DPYSL2: variants seen among roughly 807,000 people sequenced by gnomAD.
DPYSL2 encodes dihydropyrimidinase like 2.
Under a neutral mutation model 69.9 loss-of-function variants are expected in DPYSL2, and 13 were observed. That is an observed-to-expected ratio of 0.19 (90% CI 0.12 to 0.30). The LOEUF (loss-of-function observed/expected upper bound fraction) is 0.30, where lower values mean the gene tolerates loss of function less well. Ranked by LOEUF, DPYSL2 falls within the 10% of genes least tolerant of loss-of-function variation. The pLI, the probability that DPYSL2 is intolerant of heterozygous loss-of-function variation, is 1.00. For synonymous variants in DPYSL2, 326 were observed against 359.1 expected (o/e 0.91, Z 1.04); for missense variants, 587 against 918.9 (o/e 0.64, Z 4.67).
intron 1 of DPYSL2, among the ~76,000 whole-genome samples, chr8:26,541,999 G>T (rs1231909559): frequency 2.0e-5 from 3 of 151,950 alleles, no homozygotes; most frequent in African/African-American, 7.3e-5. Context: ...GGCTGGGTGT[G>T]GTGGCTAATG....
At chr8:26,537,358 T>A (rs1392504863) in intron 1 of DPYSL2, among the ~76,000 whole-genome samples, 1 of 152,136 alleles carries the variant, frequency 6.6e-6, no homozygotes, top group Non-Finnish European at 1.5e-5. Context: ...TGCAGGATGA[T>A]TCAGCATGGG....
At position 26,619,244 on chromosome 8, in the gene DPYSL2, A is replaced by G. The variant is rs969448787; in HGVS notation, c.629-4899A>G. Among the ~76,000 whole-genome samples, 1 of 152,152 alleles carries G rather than the reference A, an allele frequency of 6.6e-6. No homozygotes were observed. The highest frequency in any genetic ancestry group is 1.5e-5 in the Non-Finnish European group (1 of 68,022). On this transcript the variant is annotated intron_variant, in intron 3 of 13. Coordinates refer to ENST00000521913, the MANE Select transcript of DPYSL2 (RefSeq NM_001197293.3). This position sits in a 1 kb window ranked among gnomAD's most constrained non-coding sequence, Gnocchi z 4.8. ...GGAAGTGAGTATGACATTCTGCCCT[A>G]TTCCCTTGGAGCAGCTCTTCCCAGG...
In DPYSL2 at chr8:26,517,240, T is replaced by G. The variant is rs1354745938; in HGVS notation, c.354+2561T>G. Among the ~76,000 whole-genome samples the G allele has an allele frequency of 6.6e-6, 1 of 152,204 alleles. No homozygotes were observed. Among genetic ancestry groups the G allele is most frequent in the African/African-American group, 2.4e-5 (1 of 41,450 alleles). ...GGCTTTGGGAAGGGAGAGAATAGGC[T>G]TCCTTGACCCACATGCCACATGGCT... is the stretch of plus-strand genomic sequence containing the variant. On this transcript the variant is annotated intron_variant, in intron 1 of 13. Transcript: ENST00000521913. The surrounding 1 kb of genome is among the most constrained non-coding windows in gnomAD (Gnocchi z 4.2).
rs1177299546 is a variant in DPYSL2, at chr8:26,634,647, T to C, written c.1006-133T>C. 3.4e-6 allele frequency: 5 copies of C among 1,473,016 alleles called. No homozygotes were observed. In the African/African-American group the frequency reaches 5.6e-5, roughly 16 times the overall value. The allele number at this position is 1,473,016 out of a possible 1,614,324, so 91.2% of individuals were successfully genotyped here. A position where few individuals can be genotyped will look rare whatever the true frequency, so the allele number is the denominator to read the frequency against. ...ACAAGGCAAGTCATACTCCTTTGAATTGTCCCCTGGGGTAGGACCTTGGAG... is the reference window on the plus strand; with the variant it reads ...ACAAGGCAAGTCATACTCCTTTGAACTGTCCCCTGGGGTAGGACCTTGGAG... On this transcript the variant is annotated intron_variant, in intron 7 of 13. Transcript: ENST00000521913.
intron 1 of DPYSL2, among the ~76,000 whole-genome samples, chr8:26,576,242 C>T (rs1801341578): frequency 1.3e-5 from 2 of 152,096 alleles, no homozygotes; most frequent in South Asian, 4.2e-4. Context: ...CAGACATTCC[C>T]CTAAAGTGGC....
At position 26,634,851 on chromosome 8, in the gene DPYSL2, G is replaced by A; in HGVS notation, c.1077G>A (p.Lys359=). 6.2e-7 allele frequency: 1 copy of A among 1,614,244 alleles called. No homozygotes were observed. Among genetic ancestry groups the A allele is most frequent in the Non-Finnish European group, 8.5e-7 (1 of 1,180,040 alleles). ...NQTNCPLYIT[K]VMSKSSAEVI... is the part of the protein sequence containing the mutation. ...CCAACTGCCCGCTGTATATCACCAA[G>A]GTGATGAGCAAAAGCTCTGCTGAGG... Residue 359 remains lysine, a synonymous_variant, in exon 8 of 14, where the codon AAG becomes AAA. Coordinates refer to ENST00000521913, the MANE Select transcript of DPYSL2 (RefSeq NM_001197293.3).
intron 1 of DPYSL2, among the ~76,000 whole-genome samples, chr8:26,515,065 G>C (rs970660898): frequency 3.9e-5 from 6 of 152,182 alleles, no homozygotes; most frequent in Non-Finnish European, 7.4e-5. Context: ...TTTTTTGAGC[G>C]GCTCAGAGCG....
intron 1 of DPYSL2, among the ~76,000 whole-genome samples, chr8:26,532,259 T>A (rs745492577): frequency 4.6e-5 from 7 of 152,132 alleles, no homozygotes; most frequent in Admixed American, 6.6e-5. Context: ...AGGGACTTTA[T>A]GTCTGGTGGA....
At chr8:26,629,735 G>A (rs1343757103) in intron 7 of DPYSL2, among the ~76,000 whole-genome samples, 1 of 152,180 alleles carries the variant, frequency 6.6e-6, no homozygotes, top group East Asian at 1.9e-4. Flanking sequence ...CATGCCTGAG[G>A]CTGATTTTAT....
At chr8:26,558,408 T>C (rs1801023087) in intron 1 of DPYSL2, among the ~76,000 whole-genome samples, 1 of 152,172 alleles carries the variant, frequency 6.6e-6, no homozygotes, top group African/African-American at 2.4e-5. Flanking sequence ...AAGATCAGTG[T>C]TTACCATGGG....
At position 26,564,675 on chromosome 8, in the gene DPYSL2, T is replaced by C. The variant is rs34765233; in HGVS notation, c.355-17294T>C. Among the ~76,000 whole-genome samples the C allele has an allele frequency of 0.1, 15,568 of 151,662 alleles. 882 individuals carry two copies. Among genetic ancestry groups the C allele is most frequent in the Non-Finnish European group, 0.12 (8,234 of 67,880 alleles). On this transcript the variant is annotated intron_variant, in intron 1 of 13. Coordinates refer to ENST00000521913, the MANE Select transcript of DPYSL2 (RefSeq NM_001197293.3). The surrounding 1 kb of genome is among the most constrained non-coding windows in gnomAD (Gnocchi z 4.8). ...AAAGGTGGTGACAGCTGCTGAGAGG[T>C]GTGAGAGGGTGGCCAGATCAAGGAC... is the stretch of plus-strand genomic sequence containing the variant.
chr8:26,538,998 C>T (rs1800638848), intron 1 of DPYSL2, among the ~76,000 whole-genome samples: 1 of 152,184 alleles, frequency 6.6e-6, no homozygotes, highest in Non-Finnish European at 1.5e-5. Flanking sequence ...TCCATCCCTC[C>T]CCCTTCTAGT....
rs1803027854 is a variant in DPYSL2 at position 26,641,013 on chromosome 8, C to T, written c.1127-2426C>T. On this transcript the variant is annotated intron_variant, in intron 8 of 13. Coordinates refer to ENST00000521913, the MANE Select transcript of DPYSL2 (RefSeq NM_001197293.3). The surrounding 1 kb of genome is among the most constrained non-coding windows in gnomAD (Gnocchi z 4.1). Reference sequence around the variant, plus strand: ...GAATCCAGCTCCTCATAGAGCAGCTCCCCACCCCAAGCTGAGTTGTGTTTC... The same window carrying T: ...GAATCCAGCTCCTCATAGAGCAGCTTCCCACCCCAAGCTGAGTTGTGTTTC... Among the ~76,000 whole-genome samples, 2 of 152,290 alleles carry T rather than the reference C, an allele frequency of 1.3e-5. No individual in the cohort carries two copies. Among genetic ancestry groups the T allele is most frequent in the Admixed American group, 6.5e-5 (1 of 15,304 alleles).
chr8:26,655,852 C>A lies in DPYSL2; in HGVS notation c.*146C>A. On this transcript the variant is annotated 3_prime_UTR_variant, in exon 14 of 14. Coordinates refer to ENST00000521913, the MANE Select transcript of DPYSL2 (RefSeq NM_001197293.3). ...CTGTGGAGCAGCCAGTTCATGGGGTCCCCCTTGGGGCCCCACACCCCGTCT... is the reference window on the plus strand; with the variant it reads ...CTGTGGAGCAGCCAGTTCATGGGGTACCCCTTGGGGCCCCACACCCCGTCT... 1.3e-6 allele frequency: 1 copy of A among 787,008 alleles called. No individual in the cohort carries two copies. Among genetic ancestry groups the A allele is most frequent in the Non-Finnish European group, 1.8e-6 (1 of 541,126 alleles). 48.8% of individuals were successfully genotyped at this position (787,008 alleles called of 1,614,324 possible).
chr8:26,625,305 A>G (rs1316264424), intron 4 of DPYSL2, among the ~76,000 whole-genome samples: 2 of 152,212 alleles, frequency 1.3e-5, no homozygotes, highest in South Asian at 2.1e-4. Flanking sequence ...ATAAAAGAAA[A>G]TAGGTAAACT....
At chr8:26,645,777 T>C (rs1803149729) in intron 10 of DPYSL2, among the ~76,000 whole-genome samples, 1 of 152,168 alleles carries the variant, frequency 6.6e-6, no homozygotes, top group South Asian at 2.1e-4. Context: ...CTCAAACTCC[T>C]GACCTCAGGT....
At chr8:26,547,362 G>GAA (rs35108046) in intron 1 of DPYSL2, among the ~76,000 whole-genome samples, 31,810 of 147,072 alleles carry the variant, frequency 0.22, 4,415 homozygotes, top group African/African-American at 0.4. Flanking sequence ...GACCCTGATT[G>GAA]AAAAAAAAAA....
intron 7 of DPYSL2, among the ~76,000 whole-genome samples, chr8:26,628,525 A>G (rs573816317): frequency 1.5e-3 from 221 of 152,186 alleles, no homozygotes; most frequent in Non-Finnish European, 2.5e-3. Context: ...CACACGTCTT[A>G]GGTAATGGAG....
intron 11 of DPYSL2, among the ~76,000 whole-genome samples, chr8:26,651,160 T>A (rs984972998): frequency 1.3e-5 from 2 of 152,230 alleles, no homozygotes; most frequent in African/African-American, 4.8e-5. Context: ...AGCTTCTGCA[T>A]GACTGCTTTG....
Sources: gnomAD v4.1 joint callset for allele counts (sites outside exome capture counted in the v4.1 genomes callset) on GRCh38, gnomAD v4.1.1 for gene constraint, Gnocchi (gnomAD v3.1) non-coding constraint, MANE v1.5 for transcripts, NCBI Gene and HGNC (gene_info 2026-07-23, HGNC 2026-07-21) for gene names.